TIAM2: variants seen among roughly 807,000 people sequenced by gnomAD.
The protein encoded by TIAM2 is rho guanine nucleotide exchange factor TIAM2.
Under a neutral mutation model 152.9 loss-of-function variants are expected in TIAM2, and 80 were observed. The ratio of observed to expected loss-of-function variants is 0.52; its 90% CI spans 0.44 to 0.63. The LOEUF (loss-of-function observed/expected upper bound fraction) is 0.63. TIAM2 is among the 30% of genes least tolerant of loss of function. The pLI, the probability that TIAM2 is intolerant of heterozygous loss-of-function variation, is 0.00. For missense variants in TIAM2, 1,965 were observed against 2,120.1 expected (o/e 0.93, Z 1.44); for synonymous variants, 804 against 838.0 (o/e 0.96, Z 0.70).
At chr6:155,143,141 A>T (rs548473116) in intron 5 of TIAM2, among the ~76,000 whole-genome samples, 2 of 152,302 alleles carry the variant, frequency 1.3e-5, no homozygotes, top group South Asian at 4.1e-4. Flanking sequence ...TGGTCATGTC[A>T]TTGTTATTCG....
intron 1 of TIAM2, among the ~76,000 whole-genome samples, chr6:155,074,867 A>C (rs1562308448): frequency 6.6e-6 from 1 of 151,422 alleles, no homozygotes; most frequent in Non-Finnish European, 1.5e-5. Context: ...AAAAAAAAAA[A>C]AAAAAAAAAA....
At chr6:155,159,291 G>A (rs144138499) in intron 7 of TIAM2, among the ~76,000 whole-genome samples, 1 of 152,202 alleles carries the variant, frequency 6.6e-6, no homozygotes, top group African/African-American at 2.4e-5. Context: ...GGGTATATGG[G>A]CAGACATAAA....
intron 14 of TIAM2, among the ~76,000 whole-genome samples, chr6:155,197,183 T>C (rs923056911): frequency 1.9e-4 from 29 of 152,244 alleles, no homozygotes; most frequent in African/African-American, 6.5e-4. Flanking sequence ...AACTGCCGAA[T>C]GAAAGGACAT....
At position 155,179,130 on chromosome 6, in the gene TIAM2, A is replaced by G. The variant is rs1780829321; in HGVS notation, c.2615A>G (p.Tyr872Cys). Residue 872 changes from tyrosine to cysteine, a missense_variant, in exon 11 of 27, where the codon TAT (tyrosine) becomes TGT (cysteine). Transcript: ENST00000682666. ...VEYCIPAPYE[Y>C]MQQQVYDEIE... ...TATTGCATCCCTGCACCATATGAAT[A>G]TATGCAACAACAGGTAAGTGTGCAC... 10 of 1,613,590 alleles carry G rather than the reference A, an allele frequency of 6.2e-6. No individual in the cohort carries two copies. In the East Asian group the frequency reaches 2.2e-4, roughly 36 times the overall value.
In TIAM2 at chr6:155,148,111, C is replaced by T; in HGVS notation, c.1805C>T (p.Ala602Val). Reference protein sequence around the residue: ...NSFGDVYLFQATSQTDLENWV... With the variant: ...NSFGDVYLFQVTSQTDLENWV... ...GGCTTTCTCCCTCCCTGTGTGTAGG[C>T]CACCAGCCAGACAGATCTAGAAAAC... The change falls in exon 7 of 27, where the codon GCC (alanine) becomes GTC (valine). Residue 602 changes from alanine (A) to valine (V), a missense_variant and splice_region_variant. Coordinates refer to ENST00000682666, the MANE Select transcript of TIAM2 (RefSeq NM_012454.4). The T allele has an allele frequency of 1.9e-6, 3 of 1,613,856 alleles. No individual in the cohort carries two copies. The highest frequency in any genetic ancestry group is 2.7e-5 in the African/African-American group (2 of 75,028).
At chr6:155,143,440 A>T (rs553727355) in intron 5 of TIAM2, among the ~76,000 whole-genome samples, 1 of 152,164 alleles carries the variant, frequency 6.6e-6, no homozygotes, top group East Asian at 1.9e-4. Flanking sequence ...ATTTAGTTTC[A>T]CTTTTCTCCC....
chr6:155,123,574 AG>A (rs1182312878), intron 2 of TIAM2, among the ~76,000 whole-genome samples: 4 of 152,230 alleles, frequency 2.6e-5, no homozygotes, highest in African/African-American at 7.2e-5. Flanking sequence ...TTGCAAAAGT[AG>A]TAAGATGAGC....
chr6:155,033,605 A>T, intron 1 of TIAM2, among the ~76,000 whole-genome samples: 1 of 151,932 alleles, frequency 6.6e-6, no homozygotes, highest in Non-Finnish European at 1.5e-5. Context: ...AGTTTGCCCC[A>T]GAAATATTTC....
chr6:155,142,844 G>C (rs1381871261), intron 5 of TIAM2, among the ~76,000 whole-genome samples: 5 of 152,178 alleles, frequency 3.3e-5, no homozygotes, highest in African/African-American at 1.2e-4. Context: ...TACTGCTTCC[G>C]AAGTCCAAGC....
At chr6:155,107,982 A>G (rs891261313) in intron 2 of TIAM2, among the ~76,000 whole-genome samples, 2 of 152,218 alleles carry the variant, frequency 1.3e-5, no homozygotes, top group African/African-American at 4.8e-5. Context: ...AGACAGAAAT[A>G]GGGAGCTTTA....
At chr6:155,041,770 G>T (rs895210151) in intron 1 of TIAM2, among the ~76,000 whole-genome samples, 1 of 152,162 alleles carries the variant, frequency 6.6e-6, no homozygotes. Context: ...AGTGAGCTCC[G>T]TAGGTTTTCT....
At chr6:155,051,343 C>G (rs1777312923) in intron 1 of TIAM2, among the ~76,000 whole-genome samples, 1 of 152,156 alleles carries the variant, frequency 6.6e-6, no homozygotes, top group Non-Finnish European at 1.5e-5. Context: ...CCATGGGTGC[C>G]CGTGATTTGA....
intron 1 of TIAM2, among the ~76,000 whole-genome samples, chr6:155,039,619 A>C (rs1776983574): frequency 1.0e-5 from 1 of 100,148 alleles, no homozygotes; most frequent in Non-Finnish European, 1.9e-5. Context: ...TTGAATGGGA[A>C]TGGGCGTTGG....
intron 1 of TIAM2, among the ~76,000 whole-genome samples, chr6:155,035,226 ATTT>A (rs34425957): frequency 1.5e-5 from 2 of 137,030 alleles, no homozygotes. Context: ...GTATCGTCCT[ATTT>A]TTTTTTTTTT....
At chr6:155,069,152 T>G (rs1478747004) in intron 1 of TIAM2, among the ~76,000 whole-genome samples, 1 of 152,174 alleles carries the variant, frequency 6.6e-6, no homozygotes, top group Non-Finnish European at 1.5e-5. Context: ...TGGAGTGCAG[T>G]GACGCAGTCT....
At chr6:155,182,355 T>C (rs747186404) in intron 13 of TIAM2, 37 bp downstream of exon 13, 1 of 1,534,816 alleles carries the variant, frequency 6.5e-7, no homozygotes, top group Non-Finnish European at 9.0e-7. Context: ...TGCCTCTTAA[T>C]TTGAAACTGT....
rs1211929756 is a variant in TIAM2, at chr6:155,179,039, A to G, written c.2524A>G (p.Met842Val). The change falls in exon 11 of 27, where the codon ATG becomes GTG. Residue 842 changes from methionine (M) to valine (V), a missense_variant and splice_region_variant. By Grantham distance (21) the Met-to-Val change is conservative. This residue lies in a region of TIAM2 where 1,025 missense variants were observed against 1,119.4 expected (regional missense o/e 0.92). Transcript: ENST00000682666. The part of the protein sequence containing the change: ...VEDILTLACK[M>V]RQLEPSHYGL... ...TGAATAACTGTCTTTTTCTTTATAG[A>G]TGAGGCAGTTGGAACCCAGCCATTA... is the stretch of plus-strand genomic sequence containing the variant. 7 of 1,610,350 alleles carry G rather than the reference A, an allele frequency of 4.3e-6. No homozygotes were observed. The highest frequency in any genetic ancestry group is 5.9e-6 in the Non-Finnish European group (7 of 1,177,890).
chr6:155,216,669 G>C (rs1252236817), intron 15 of TIAM2: 1 of 159,144 alleles, frequency 6.3e-6, no homozygotes, highest in Non-Finnish European at 1.4e-5. Context: ...GGTTGAAAGA[G>C]TTTTTGGTTT....
chr6:155,028,395 CAT>C (rs374454991), intron 1 of TIAM2, among the ~76,000 whole-genome samples: 23 of 69,992 alleles, frequency 3.3e-4, no homozygotes, highest in East Asian at 2.8e-3. Context: ...ATATATACTA[CAT>C]ATATATACTG....
Sources: gnomAD v4.1 joint callset for allele counts (sites outside exome capture counted in the v4.1 genomes callset) on GRCh38, gnomAD v4.1.1 for gene constraint, gnomAD v4.1.1 regional missense constraint, MANE v1.5 for transcripts, NCBI Gene and HGNC (gene_info 2026-07-23, HGNC 2026-07-21) for gene names.